TBC1D2B: variants seen among roughly 807,000 people sequenced by gnomAD.
TBC1D2B encodes TBC1 domain family member 2B.
TBC1D2B carries 64 observed loss-of-function variants against 100.8 expected under a neutral mutation model. The ratio of observed to expected loss-of-function variants is 0.64; its 90% CI spans 0.52 to 0.78. The LOEUF (loss-of-function observed/expected upper bound fraction) is 0.78, where lower values mean the gene tolerates loss of function less well. Among genes scored for constraint, TBC1D2B ranks in the 30% least tolerant of loss-of-function variants. TBC1D2B has a pLI of 0.00. For missense variants in TBC1D2B, 1,052 were observed against 1,218.4 expected, an observed-to-expected ratio of 0.86 and a Z score of 2.03; for synonymous variants, 480 against 479.7, an observed-to-expected ratio of 1.00 and a Z score of -0.01.
intron 3 of TBC1D2B, among the ~76,000 whole-genome samples, chr15:78,040,714 G>T (rs2073060235): frequency 7.3e-6 from 1 of 136,994 alleles, no homozygotes; most frequent in South Asian, 2.6e-4. Context: ...AGGGAGGAAG[G>T]AAGGAGAGAG....
chr15:78,031,641 TAAA>T (rs983544360), intron 3 of TBC1D2B, among the ~76,000 whole-genome samples: 13 of 142,498 alleles, frequency 9.1e-5, no homozygotes, highest in Non-Finnish European at 1.7e-4. Flanking sequence ...GACAAAACTA[TAAA>T]AATGAGTCAT....
intron 1 of TBC1D2B, among the ~76,000 whole-genome samples, chr15:78,066,981 G>A (rs1188952055): frequency 3.3e-5 from 5 of 152,108 alleles, no homozygotes; most frequent in South Asian, 2.1e-4. Flanking sequence ...TCTTAAATCT[G>A]TGCCCCAACA....
At chr15:78,011,877 C>T (rs571656364) in intron 9 of TBC1D2B, among the ~76,000 whole-genome samples, 48 of 152,158 alleles carry the variant, frequency 3.2e-4, no homozygotes, top group East Asian at 2.5e-3. Context: ...GAACTCCTGA[C>T]CTCAGGTGAT....
rs1480719043 is a variant in TBC1D2B at position 78,025,425 on chromosome 15, A to G, written c.920T>C (p.Ile307Thr). The G allele has an allele frequency of 6.2e-7, 1 of 1,613,942 alleles. No individual in the cohort carries two copies. The highest frequency in any genetic ancestry group is 8.5e-7 in the Non-Finnish European group (1 of 1,179,890). ...GTGACGATTTTTGTACGACCCAATT[A>G]TGTCTTTCAAAGGGCGCTTTCCTTT... Reference protein sequence around the residue: ...PYKGKRPLKDIIGSYKNRHSS... With the variant: ...PYKGKRPLKDTIGSYKNRHSS... Residue 307 changes from isoleucine (I) to threonine (T), a missense_variant, in exon 5 of 13, where the codon ATA becomes ACA. This residue lies in a region of TBC1D2B where 627 missense variants were observed against 646.1 expected (regional missense o/e 0.97). Coordinates refer to ENST00000300584, the MANE Select transcript of TBC1D2B (RefSeq NM_144572.2).
intron 1 of TBC1D2B, among the ~76,000 whole-genome samples, chr15:78,056,686 C>CTTTTTTTTTTTTTTTTTT (rs368714497): frequency 8.9e-6 from 1 of 112,900 alleles, no homozygotes; most frequent in African/African-American, 4.0e-5. Context: ...CAGTCCTCCT[C>CTTTTTTTTTTTTTTTTTT]TTTTTTTTTT....
intron 10 of TBC1D2B, among the ~76,000 whole-genome samples, chr15:78,005,756 C>T (rs2072049159): frequency 1.3e-5 from 2 of 152,314 alleles, no homozygotes; most frequent in Non-Finnish European, 2.9e-5. Context: ...AGGCAATTTT[C>T]ATTTTCTTCT....
At chr15:78,030,460 C>A (rs540612569) in intron 3 of TBC1D2B, among the ~76,000 whole-genome samples, 276 of 152,152 alleles carry the variant, frequency 1.8e-3, no homozygotes, top group African/African-American at 6.4e-3. Context: ...CACCACCATG[C>A]CCAGCTAATT....
chr15:78,031,546 T>A (rs2072809589), intron 3 of TBC1D2B, among the ~76,000 whole-genome samples: 1 of 30,740 alleles, frequency 3.3e-5, no homozygotes, highest in Non-Finnish European at 8.5e-5. Context: ...AGAGCAAGAC[T>A]CTGTCTCCAA....
At chr15:78,073,429 G>C (rs1022674270) in intron 1 of TBC1D2B, among the ~76,000 whole-genome samples, 7 of 152,140 alleles carry the variant, frequency 4.6e-5, no homozygotes, top group African/African-American at 1.7e-4. Context: ...ATAAGAAATG[G>C]TATTTGTAAA....
intron 6 of TBC1D2B, among the ~76,000 whole-genome samples, chr15:78,021,391 T>C (rs762885772): frequency 2.0e-5 from 3 of 152,206 alleles, no homozygotes; most frequent in Non-Finnish European, 4.4e-5. Context: ...TCAATATTTC[T>C]TCCTCAACCA....
chr15:78,059,448 T>C (rs1318932607), intron 1 of TBC1D2B, among the ~76,000 whole-genome samples: 1 of 152,196 alleles, frequency 6.6e-6, no homozygotes, highest in African/African-American at 2.4e-5. Flanking sequence ...AGTTGTCTCC[T>C]ACATGGCTGC....
In TBC1D2B at chr15:78,003,355, T is replaced by TAACG. The variant is rs1270775629; in HGVS notation, c.2520_2523dup (p.Ser842ArgfsTer2). ...TCCCATATTTTAAAGAGGATGTCAC[T>TAACG]AACGACACTATCCACAAATACCACC... is the stretch of plus-strand genomic sequence containing the variant. On this transcript the variant is annotated frameshift_variant, in exon 11 of 13. Transcript: ENST00000300584. LOFTEE classifies it high-confidence loss of function. 6.2e-7 allele frequency: 1 copy of TAACG among 1,613,898 alleles called. No homozygotes were observed. The highest frequency in any genetic ancestry group is 8.5e-7 in the Non-Finnish European group (1 of 1,179,864).
chr15:78,055,311 T>TA (rs10715811), intron 1 of TBC1D2B, among the ~76,000 whole-genome samples: 3 of 150,794 alleles, frequency 2.0e-5, no homozygotes, highest in Non-Finnish European at 4.4e-5. Flanking sequence ...TGAATATCAT[T>TA]AAAAAAAAAA....
rs1241073993 is a variant in TBC1D2B, at chr15:78,001,707, A to G, written c.2608T>C (p.Tyr870His). 3 of 1,608,618 alleles carry G rather than the reference A, an allele frequency of 1.9e-6. No individual in the cohort carries two copies. In the Admixed American group the frequency reaches 5.1e-5, roughly 27 times the overall value. Residue 870 changes from tyrosine to histidine, a missense_variant, in exon 12 of 13, where the codon TAC becomes CAC. Physicochemically the swap from Tyr to His is moderately conservative, Grantham distance 83 (BLOSUM62 2). Around this residue, in one of 4 missense-constraint regions of TBC1D2B, gnomAD observed 373 missense variants for 464.9 expected, o/e 0.80. Coordinates refer to ENST00000300584, the MANE Select transcript of TBC1D2B (RefSeq NM_144572.2). ...AATTTCAAAATCTCCTCTTCCTTGT[A>G]CTTAAAAAGTGCCAGAGCAAAACGG... ...IFRFALALFK[Y>H]KEEEILKLQD...
At chr15:78,029,888 G>T in intron 4 of TBC1D2B, 119 bp downstream of exon 4, 1 of 689,344 alleles carries the variant, frequency 1.5e-6, no homozygotes, top group Non-Finnish European at 2.2e-6. Flanking sequence ...CAAAGAGAAT[G>T]CAAGCCCCCA....
intron 12 of TBC1D2B, chr15:77,998,782 G>C (rs2071834222): frequency 5.7e-6 from 1 of 174,852 alleles, no homozygotes; most frequent in South Asian, 1.3e-4. Flanking sequence ...CTGGCACCGG[G>C]CACGAGTCCG....
At chr15:78,000,398 T>A (rs1477980802) in intron 12 of TBC1D2B, among the ~76,000 whole-genome samples, 1 of 152,226 alleles carries the variant, frequency 6.6e-6, no homozygotes, top group Non-Finnish European at 1.5e-5. Context: ...CAGCCCTAGC[T>A]GTTGGCATGG....
chr15:77,998,500 C>T, intron 12 of TBC1D2B, 145 bp from the exon 13 acceptor site: 1 of 682,488 alleles, frequency 1.5e-6, no homozygotes, highest in South Asian at 2.1e-5. Context: ...GGATGAGGCC[C>T]ACCTTCTGTA....
intron 10 of TBC1D2B, among the ~76,000 whole-genome samples, chr15:78,008,057 C>T (rs189632064): frequency 1.2e-4 from 18 of 152,342 alleles, no homozygotes; most frequent in Admixed American, 2.6e-4. Context: ...CAGGCACACA[C>T]GGGGACAGCT....
Sources: allele counts gnomAD v4.1 joint callset (sites outside exome capture counted in the v4.1 genomes callset), GRCh38; gene constraint gnomAD v4.1.1; regional missense constraint gnomAD v4.1.1; transcripts MANE v1.5; gene names NCBI Gene and HGNC (gene_info 2026-07-23, HGNC 2026-07-21).